ERC1: variants seen among roughly 807,000 people sequenced by gnomAD.
The protein encoded by ERC1 is RAB6 interacting protein 2.
ERC1 carries 56 observed loss-of-function variants against 132.0 expected under a neutral mutation model. The observed-to-expected ratio is 0.42, with a 90% CI of 0.34 to 0.53. ERC1 has a LOEUF of 0.53. ERC1 is among the 20% of genes least tolerant of loss of function. ERC1 has a pLI of 0.03. For synonymous variants in ERC1, 478 were observed against 476.1 expected (o/e 1.00, Z -0.05); for missense variants, 1,202 against 1,349.9 (o/e 0.89, Z 1.72).
At chr12:1,071,911 G>A (rs1440915811) in intron 2 of ERC1, among the ~76,000 whole-genome samples, 2 of 152,018 alleles carry the variant, frequency 1.3e-5, no homozygotes, top group East Asian at 3.9e-4. Flanking sequence ...GACCAGCCTG[G>A]CCAACATGGA....
intron 13 of ERC1, among the ~76,000 whole-genome samples, chr12:1,237,864 G>A (rs1299411293): frequency 6.6e-6 from 1 of 152,074 alleles, no homozygotes; most frequent in African/African-American, 2.4e-5. Flanking sequence ...TTTCTAATTG[G>A]GTCTGATACT....
intron 2 of ERC1, among the ~76,000 whole-genome samples, chr12:1,039,155 T>G (rs969058522): frequency 6.6e-6 from 1 of 151,626 alleles, no homozygotes; most frequent in Non-Finnish European, 1.5e-5. Context: ...GCTAACATGG[T>G]GAAACCCTGT....
intron 8 of ERC1, among the ~76,000 whole-genome samples, chr12:1,156,271 CT>C (rs754346351): frequency 2.6e-5 from 4 of 151,972 alleles, no homozygotes; most frequent in Non-Finnish European, 5.9e-5. Context: ...CAGAGTCTCA[CT>C]CTGTCGCCCA....
chr12:1,138,654 A>C (rs1285546664), intron 7 of ERC1, among the ~76,000 whole-genome samples: 1 of 152,018 alleles, frequency 6.6e-6, no homozygotes, highest in Non-Finnish European at 1.5e-5. Flanking sequence ...GCATAGGACA[A>C]AATGTGAACA....
chr12:1,078,104 G>A (rs188754664), intron 2 of ERC1, among the ~76,000 whole-genome samples: 1 of 152,314 alleles, frequency 6.6e-6, no homozygotes, highest in Non-Finnish European at 1.5e-5. Context: ...ATGTGCCAAA[G>A]CGTATGTGAA....
intron 17 of ERC1, among the ~76,000 whole-genome samples, chr12:1,410,828 TAG>T (rs760473717): frequency 1.3e-5 from 2 of 152,088 alleles, no homozygotes; most frequent in African/African-American, 2.4e-5. Context: ...AAATTGGCAA[TAG>T]AAAATTGATC....
chr12:1,300,675 A>G (rs112863077), intron 15 of ERC1, among the ~76,000 whole-genome samples: 6 of 152,272 alleles, frequency 3.9e-5, no homozygotes, highest in African/African-American at 1.4e-4. Flanking sequence ...GAAGACATAC[A>G]TGTGGCTAAT....
At chr12:1,401,793 T>G (rs1453698812) in intron 16 of ERC1, among the ~76,000 whole-genome samples, 1 of 151,780 alleles carries the variant, frequency 6.6e-6, no homozygotes, top group Non-Finnish European at 1.5e-5. Context: ...ACACGTAGAT[T>G]TACCAAATAA....
At chr12:1,103,228 G>C (rs191453158) in intron 3 of ERC1, among the ~76,000 whole-genome samples, 1 of 152,224 alleles carries the variant, frequency 6.6e-6, no homozygotes, top group African/African-American at 2.4e-5. Context: ...TTGTGCAAAG[G>C]GCTTAAGGAT....
chr12:1,328,359 G>A (rs1950588108), intron 15 of ERC1, among the ~76,000 whole-genome samples: 1 of 151,712 alleles, frequency 6.6e-6, no homozygotes, highest in Admixed American at 6.6e-5. Context: ...GCCCAGGCTG[G>A]TCTCAAACCC....
chr12:1,402,876 C>T (rs999769860), intron 16 of ERC1, among the ~76,000 whole-genome samples: 1 of 152,114 alleles, frequency 6.6e-6, no homozygotes, highest in Non-Finnish European at 1.5e-5. Context: ...AATTAGTCTG[C>T]TTTTATTCTG....
chr12:1,230,496 CAT>C (rs1402866576), intron 12 of ERC1, among the ~76,000 whole-genome samples: 3 of 152,158 alleles, frequency 2.0e-5, no homozygotes, highest in Non-Finnish European at 4.4e-5. Context: ...TGTGGCCTAA[CAT>C]ATGTTATATT....
chr12:1,345,249 G>A (rs1413849393), intron 15 of ERC1, among the ~76,000 whole-genome samples: 1 of 146,386 alleles, frequency 6.8e-6, no homozygotes, highest in African/African-American at 2.6e-5. Flanking sequence ...GGCGTGATCT[G>A]GGCTCACTGC....
intron 8 of ERC1, among the ~76,000 whole-genome samples, chr12:1,179,060 TA>T (rs112949444): frequency 3.3e-5 from 5 of 152,240 alleles, no homozygotes; most frequent in African/African-American, 9.6e-5. Context: ...CTTGATTTTT[TA>T]ATTATACTTG....
intron 15 of ERC1, among the ~76,000 whole-genome samples, chr12:1,353,990 C>G (rs1008126958): frequency 9.2e-5 from 14 of 151,370 alleles, no homozygotes; most frequent in African/African-American, 3.2e-4. Flanking sequence ...TTTTCTTTTT[C>G]CTCTAAGACC....
intron 1 of ERC1, among the ~76,000 whole-genome samples, chr12:1,025,868 G>A (rs972820265): frequency 1.4e-5 from 2 of 146,214 alleles, no homozygotes; most frequent in African/African-American, 2.6e-5. Flanking sequence ...GCGCGATCTC[G>A]GCTCACTGCA....
chr12:1,057,075 A>G (rs1261346351), intron 2 of ERC1, among the ~76,000 whole-genome samples: 1 of 152,176 alleles, frequency 6.6e-6, no homozygotes, highest in African/African-American at 2.4e-5. Flanking sequence ...AGCATAGGAA[A>G]CATGGCAAAC....
intron 1 of ERC1, among the ~76,000 whole-genome samples, chr12:996,165 T>C (rs761316294): frequency 3.0e-4 from 44 of 148,428 alleles, no homozygotes; most frequent in Non-Finnish European, 5.2e-4. Flanking sequence ...CTCGGCTCAC[T>C]GCAATCTCCG....
At chr12:1,020,376 G>A (rs945304725) in intron 1 of ERC1, among the ~76,000 whole-genome samples, 1 of 152,332 alleles carries the variant, frequency 6.6e-6, no homozygotes, top group Non-Finnish European at 1.5e-5. Flanking sequence ...AGAATCGCTT[G>A]AACCTGGGAG....
Sources: allele counts gnomAD v4.1 joint callset (sites outside exome capture counted in the v4.1 genomes callset), GRCh38; gene constraint gnomAD v4.1.1; transcripts MANE v1.5; gene names NCBI Gene and HGNC (gene_info 2026-07-23, HGNC 2026-07-21).